Variants in KIF26B observed in about 807,000 individuals in gnomAD.
KIF26B encodes the protein kinesin family member 26B, also known as kinesin-like protein KIF26B.
KIF26B carries 63 observed loss-of-function variants against 151.2 expected under a neutral mutation model. The observed-to-expected ratio is 0.42, with a 90% confidence interval of 0.34 to 0.51. KIF26B has a LOEUF of 0.51. KIF26B is among the 20% of genes least tolerant of loss of function. The pLI is 0.07. For missense variants in KIF26B, 2,813 were observed against 2,913.6 expected (o/e 0.97, Z 0.79); for synonymous variants, 1,357 against 1,262.1 (o/e 1.08, Z -1.59).
At chr1:245,611,668 A>T in intron 8 of KIF26B, 125 bp from the exon 9 acceptor site, 1 of 883,754 alleles carries the variant, frequency 1.1e-6, no homozygotes, top group Non-Finnish European at 1.7e-6. Flanking sequence ...TTTCAGCCTT[A>T]GAGGGGCACG....
At position 245,505,458 on chromosome 1, in the gene KIF26B, T is replaced by G. The variant is rs546227250; in HGVS notation, c.1167-35309T>G. On this transcript the variant is annotated intron_variant, in intron 4 of 14. Coordinates refer to ENST00000407071, the MANE Select transcript of KIF26B (RefSeq NM_018012.4). ...TGGAGTGCTGTGGCACAATCTTGGC[T>G]CATTGCAACCTCTACTTCCCAGGTT... is the stretch of plus-strand genomic sequence containing the variant. 2.0e-5 allele frequency among the ~76,000 whole-genome samples: 3 copies of G among 152,252 alleles called. No individual in the cohort carries two copies. The East Asian group carries it at 5.8e-4, about 29-fold the overall frequency.
At chr1:245,553,489 T>A (rs920284964) in intron 5 of KIF26B, among the ~76,000 whole-genome samples, 18 of 152,240 alleles carry the variant, frequency 1.2e-4, no homozygotes, top group African/African-American at 4.3e-4. Flanking sequence ...TCTTCCCTCA[T>A]CATCTCAGAT....
At chr1:245,197,635 T>C (rs909142422) in intron 2 of KIF26B, among the ~76,000 whole-genome samples, 9 of 152,176 alleles carry the variant, frequency 5.9e-5, no homozygotes, top group African/African-American at 2.2e-4. Context: ...TTATTTTTAG[T>C]ATTTGATATA....
At chr1:245,485,513 A>G (rs1660262516) in intron 4 of KIF26B, among the ~76,000 whole-genome samples, 1 of 151,408 alleles carries the variant, frequency 6.6e-6, no homozygotes, top group African/African-American at 2.4e-5. Flanking sequence ...CCTCCCAAGT[A>G]CCTGGGATTA....
intron 10 of KIF26B, among the ~76,000 whole-genome samples, chr1:245,684,013 T>C (rs1010777969): frequency 2.6e-5 from 4 of 151,812 alleles, no homozygotes; most frequent in Non-Finnish European, 1.5e-5. Context: ...CCAAGGGAGG[T>C]GCTTTGCACA....
At chr1:245,246,866 AACACAC>A (rs10623091) in intron 2 of KIF26B, among the ~76,000 whole-genome samples, 58 of 143,942 alleles carry the variant, frequency 4.0e-4, no homozygotes, top group African/African-American at 1.3e-3. Flanking sequence ...GTAAGGGCAG[AACACAC>A]ACACACACAC....
At chr1:245,400,638 A>C (rs1234443181) in intron 3 of KIF26B, among the ~76,000 whole-genome samples, 1 of 152,222 alleles carries the variant, frequency 6.6e-6, no homozygotes, top group African/African-American at 2.4e-5. Context: ...TATAAAATAC[A>C]TATTAGAGTT....
At chr1:245,200,868 T>C (rs1669286855) in intron 2 of KIF26B, among the ~76,000 whole-genome samples, 1 of 152,226 alleles carries the variant, frequency 6.6e-6, no homozygotes, top group Non-Finnish European at 1.5e-5. Flanking sequence ...ATAATACTGA[T>C]GGGACCACAG....
At chr1:245,258,341 T>G (rs1219095466) in intron 2 of KIF26B, among the ~76,000 whole-genome samples, 4 of 151,952 alleles carry the variant, frequency 2.6e-5, no homozygotes, top group South Asian at 2.1e-4. Flanking sequence ...TGGGGCCCCG[T>G]GAGATGTGAA....
At chr1:245,192,388 T>G (rs925075012) in intron 2 of KIF26B, among the ~76,000 whole-genome samples, 4 of 151,624 alleles carry the variant, frequency 2.6e-5, no homozygotes, top group Non-Finnish European at 5.9e-5. Context: ...TAGCAGAGAA[T>G]AATATTGATG....
chr1:245,166,595 C>T lies in KIF26B; in HGVS notation c.465+9912C>T, dbSNP rs994007428. 5.3e-5 allele frequency among the ~76,000 whole-genome samples: 8 copies of T among 152,194 alleles called. No individual in the cohort carries two copies. The highest frequency in any genetic ancestry group is 8.8e-5 in the Non-Finnish European group (6 of 68,042). ...CTTGCAGATGTGGCATTTGGCATTT[C>T]GGCTCCGGGGAATGAGGGAGAGCAG... On this transcript the variant is annotated intron_variant, in intron 2 of 14. Transcript: ENST00000407071. The surrounding 1 kb of genome is among the most constrained non-coding windows in gnomAD (Gnocchi z 4.5).
At chr1:245,332,121 G>A (rs1378936751) in intron 2 of KIF26B, among the ~76,000 whole-genome samples, 2 of 152,166 alleles carry the variant, frequency 1.3e-5, no homozygotes, top group Non-Finnish European at 2.9e-5. Context: ...ACAAGACTCT[G>A]TCTCGAAATA....
intron 2 of KIF26B, among the ~76,000 whole-genome samples, chr1:245,235,372 G>A (rs760786777): frequency 1.3e-5 from 2 of 151,960 alleles, no homozygotes; most frequent in Non-Finnish European, 2.9e-5. Flanking sequence ...CAGGAGGATG[G>A]CTCGAGGCCA....
chr1:245,161,920 A>G (rs1329219470), intron 2 of KIF26B, among the ~76,000 whole-genome samples: 1 of 152,110 alleles, frequency 6.6e-6, no homozygotes, highest in Non-Finnish European at 1.5e-5. Context: ...GGGGGAAAGT[A>G]TGTGAGACTG....
chr1:245,651,928 G>A (rs981151380), intron 10 of KIF26B, among the ~76,000 whole-genome samples: 2 of 152,074 alleles, frequency 1.3e-5, no homozygotes, highest in African/African-American at 2.4e-5. Context: ...GCGGAGCCAT[G>A]GCATTGAATT....
chr1:245,702,380 A>AGCTCCAGGCT lies in KIF26B; in HGVS notation c.6179-76_6179-67dup. 1 of 1,527,986 alleles carries AGCTCCAGGCT rather than the reference A, an allele frequency of 6.5e-7. No individual in the cohort carries two copies. The highest frequency in any genetic ancestry group is 9.0e-7 in the Non-Finnish European group (1 of 1,112,660). The allele number at this position is 1,527,986 out of a possible 1,614,324, so 94.7% of individuals were successfully genotyped here. A position where few individuals can be genotyped will look rare whatever the true frequency, so the allele number is the denominator to read the frequency against. On this transcript the variant is annotated intron_variant, in intron 14 of 14. Transcript: ENST00000407071. This position sits in a 1 kb window ranked among gnomAD's most constrained non-coding sequence, Gnocchi z 4.1. Reference sequence around the variant, plus strand: ...ACCAAGGGGTAGATGTGGGGGTGGCAGCTCCAGGCTGAGCCGTCGGGAGTT... The same window carrying AGCTCCAGGCT: ...ACCAAGGGGTAGATGTGGGGGTGGCAGCTCCAGGCTGCTCCAGGCTGAGCCGTCGGGAGTT...
chr1:245,689,692 G>C (rs1412430695), intron 12 of KIF26B, among the ~76,000 whole-genome samples: 1 of 152,044 alleles, frequency 6.6e-6, no homozygotes, highest in Non-Finnish European at 1.5e-5. Flanking sequence ...TGAGTAGCTG[G>C]GATTACAAGC....
intron 12 of KIF26B, among the ~76,000 whole-genome samples, chr1:245,696,170 T>C (rs945447021): frequency 6.6e-6 from 1 of 152,108 alleles, no homozygotes; most frequent in African/African-American, 2.4e-5. Flanking sequence ...TAAGGCAGAG[T>C]GATGGTATGT....
intron 4 of KIF26B, among the ~76,000 whole-genome samples, chr1:245,503,060 A>G (rs1278544944): frequency 6.6e-6 from 1 of 151,908 alleles, no homozygotes. Flanking sequence ...GGGTTTCTCC[A>G]TGTTGGTCAG....
Sources: allele counts gnomAD v4.1 joint callset (sites outside exome capture counted in the v4.1 genomes callset), GRCh38; gene constraint gnomAD v4.1.1; non-coding constraint Gnocchi (gnomAD v3.1); transcripts MANE v1.5; gene names NCBI Gene and HGNC (gene_info 2026-07-23, HGNC 2026-07-21).